CYFIP2: variants seen among roughly 807,000 people sequenced by gnomAD.
CYFIP2 encodes the protein cytoplasmic FMR1 interacting protein 2.
A neutral mutation model predicts 158.7 loss-of-function variants in CYFIP2; 29 were observed. The observed-to-expected ratio is 0.18, with a 90% CI of 0.14 to 0.25. The LOEUF is 0.25. CYFIP2 is among the 10% of genes least tolerant of loss of function. CYFIP2 has a pLI of 1.00. For synonymous variants in CYFIP2, 585 were observed against 617.6 expected, an observed-to-expected ratio of 0.95 and a Z score of 0.78; for missense variants, 852 against 1,639.5, an observed-to-expected ratio of 0.52 and a Z score of 8.29.
At chr5:157,360,482 T>A in intron 25 of CYFIP2, 110 bp downstream of exon 25, 2 of 803,748 alleles carry the variant, frequency 2.5e-6, no homozygotes, top group Non-Finnish European at 3.9e-6. Context: ...GGCAGAGTAC[T>A]GGCTATCCAT....
intron 15 of CYFIP2, among the ~76,000 whole-genome samples, chr5:157,322,232 G>A (rs1760655399): frequency 6.6e-6 from 1 of 152,178 alleles, no homozygotes; most frequent in Admixed American, 6.5e-5. Flanking sequence ...GGTCTAGAGA[G>A]GGGAAGTGAC....
chr5:157,335,188 T>C (rs1239141174), intron 21 of CYFIP2, among the ~76,000 whole-genome samples: 1 of 152,364 alleles, frequency 6.6e-6, no homozygotes, highest in African/African-American at 2.4e-5. Flanking sequence ...TGTTTCCTTA[T>C]CTATAGAAAT....
chr5:157,301,126 T>TGGAA (rs1758711993), intron 6 of CYFIP2, among the ~76,000 whole-genome samples: 1 of 152,222 alleles, frequency 6.6e-6, no homozygotes, highest in African/African-American at 2.4e-5. Context: ...TATCTCAAGA[T>TGGAA]GGAATCAAAC....
chr5:157,378,508 A>G lies in CYFIP2; in HGVS notation c.3040-4082A>G, dbSNP rs375325813. On this transcript the variant is annotated intron_variant, in intron 26 of 30. Coordinates refer to ENST00000620254, the MANE Select transcript of CYFIP2 (RefSeq NM_001037333.3). The stretch of plus-strand genomic sequence containing the variant: ...GTAACTTTGCAATTTAATGACATGT[A>G]TATATAATGAAGGGGGAAAGTCAGG... Among the ~76,000 whole-genome samples, 13 of 152,314 alleles carry G rather than the reference A, an allele frequency of 8.5e-5. 1 individual carries two copies. Among genetic ancestry groups the G allele is most frequent in the Admixed American group, 6.5e-4 (10 of 15,298 alleles).
rs931508986 is a variant in CYFIP2, at chr5:157,358,899, C to G, written c.2674-106C>G. 3 of 1,442,682 alleles carry G rather than the reference C, an allele frequency of 2.1e-6. No homozygotes were observed. In the East Asian group the frequency reaches 6.8e-5, roughly 33 times the overall value. 89.4% of individuals were successfully genotyped at this position (1,442,682 alleles called of 1,614,324 possible). On this transcript the variant is annotated intron_variant, in intron 23 of 30. Coordinates refer to ENST00000620254, the MANE Select transcript of CYFIP2 (RefSeq NM_001037333.3). ...TTCATGGGGCTCCAGTGAGCACGCT[C>G]GTAACACTGGGTTCCTAATGCTTCT...
intron 15 of CYFIP2, 103 bp from the exon 16 acceptor site, chr5:157,323,818 C>A: frequency 7.8e-7 from 1 of 1,275,536 alleles, no homozygotes; most frequent in Non-Finnish European, 1.0e-6. Flanking sequence ...TAAGAGCAGA[C>A]ATCTGCAGAA....
chr5:157,388,013 G>C (rs1471456707), intron 28 of CYFIP2, among the ~76,000 whole-genome samples: 1 of 152,158 alleles, frequency 6.6e-6, no homozygotes, highest in East Asian at 1.9e-4. Flanking sequence ...TGAGCTTCCG[G>C]GGTAGGTCAG....
chr5:157,363,146 TC>T (rs979133861), intron 26 of CYFIP2: 2 of 152,252 alleles, frequency 1.3e-5, no homozygotes, highest in Non-Finnish European at 2.9e-5. Context: ...TCCTCCTTCC[TC>T]CCCAAGGCAC....
At position 157,361,381 on chromosome 5, in the gene CYFIP2, G is replaced by T; in HGVS notation, c.2909-87G>T. 3.8e-6 allele frequency: 6 copies of T among 1,576,498 alleles called. No homozygotes were observed. The highest frequency in any genetic ancestry group is 5.2e-6 in the Non-Finnish European group (6 of 1,153,084). ...TGGCTTTTTGCTATCCCAGAGTCAGGTCTGGGGCTGCCACTCAGTCATTGT... is the reference window on the plus strand; with the variant it reads ...TGGCTTTTTGCTATCCCAGAGTCAGTTCTGGGGCTGCCACTCAGTCATTGT... On this transcript the variant is annotated intron_variant, in intron 25 of 30. Transcript: ENST00000620254. The surrounding 1 kb of genome is among the most constrained non-coding windows in gnomAD (Gnocchi z 4.4).
chr5:157,268,425 A>G (rs993634019), intron 1 of CYFIP2, among the ~76,000 whole-genome samples: 2 of 152,220 alleles, frequency 1.3e-5, no homozygotes, highest in Non-Finnish European at 2.9e-5. Context: ...GTAGAACACT[A>G]CATGACCCCT....
chr5:157,300,289 C>T (rs1232506609), intron 5 of CYFIP2, among the ~76,000 whole-genome samples: 1 of 152,100 alleles, frequency 6.6e-6, no homozygotes, highest in Non-Finnish European at 1.5e-5. Context: ...TCAGTCCCAG[C>T]ACTTTGGGAG....
In CYFIP2 at chr5:157,326,198, C is replaced by T. The variant is rs777914775; in HGVS notation, c.2010C>T (p.Tyr670=). 5 of 1,613,944 alleles carry T rather than the reference C, an allele frequency of 3.1e-6. No homozygotes were observed. The highest frequency in any genetic ancestry group is 8.5e-7 in the Non-Finnish European group (1 of 1,179,844). The change falls in exon 18 of 31, where the codon TAC becomes TAT. Residue 670 remains tyrosine, a synonymous_variant. Coordinates refer to ENST00000620254, the MANE Select transcript of CYFIP2 (RefSeq NM_001037333.3). ...ATGTCCTCTACCCTCTGGATCTGTACAACGACAGCGCCTACTATGCTCTGA... is the reference window on the plus strand; with the variant it reads ...ATGTCCTCTACCCTCTGGATCTGTATAACGACAGCGCCTACTATGCTCTGA... ...MEYVLYPLDL[Y]NDSAYYALTK... is the part of the protein sequence containing the mutation.
intron 26 of CYFIP2, among the ~76,000 whole-genome samples, chr5:157,377,710 C>T (rs562199877): frequency 9.2e-5 from 14 of 152,222 alleles, no homozygotes; most frequent in Non-Finnish European, 2.1e-4. Context: ...TGAAAGTCTT[C>T]AGAATTTGGT....
At chr5:157,291,550 C>T in intron 3 of CYFIP2, among the ~76,000 whole-genome samples, 1 of 152,230 alleles carries the variant, frequency 6.6e-6, no homozygotes, top group South Asian at 2.1e-4. Context: ...GAATTAACAC[C>T]CGTCGGCAGG....
At chr5:157,385,143 C>T (rs914979372) in intron 28 of CYFIP2, among the ~76,000 whole-genome samples, 1 of 152,174 alleles carries the variant, frequency 6.6e-6, no homozygotes, top group African/African-American at 2.4e-5. Context: ...CTGCTGCTGT[C>T]ATCCTGCAGG....
intron 1 of CYFIP2, among the ~76,000 whole-genome samples, chr5:157,273,446 A>G (rs1299010244): frequency 6.6e-6 from 1 of 152,182 alleles, no homozygotes; most frequent in Non-Finnish European, 1.5e-5. Context: ...TCTTTACTCC[A>G]GGGTGGGGCA....
intron 23 of CYFIP2, among the ~76,000 whole-genome samples, chr5:157,352,212 G>A (rs149185682): frequency 4.5e-4 from 69 of 152,264 alleles, no homozygotes; most frequent in African/African-American, 1.5e-3. Context: ...TTGTTGGTGT[G>A]ATCTGTTTGG....
chr5:157,360,468 AG>A, intron 25 of CYFIP2, 96 bp downstream of exon 25: 5 of 983,916 alleles, frequency 5.1e-6, no homozygotes, highest in Non-Finnish European at 7.6e-6. Flanking sequence ...CATGCCAGTG[AG>A]CTGGCAGAGT....
chr5:157,344,388 C>G (rs1762527511), intron 23 of CYFIP2, among the ~76,000 whole-genome samples: 1 of 152,154 alleles, frequency 6.6e-6, no homozygotes, highest in South Asian at 2.1e-4. Context: ...GGATGAGCAA[C>G]CTGATGTCAC....
Sources: allele counts gnomAD v4.1 joint callset (sites outside exome capture counted in the v4.1 genomes callset), GRCh38; gene constraint gnomAD v4.1.1; non-coding constraint Gnocchi (gnomAD v3.1); transcripts MANE v1.5; gene names NCBI Gene and HGNC (gene_info 2026-07-23, HGNC 2026-07-21).